CRB1: variants seen among roughly 807,000 people sequenced by gnomAD.
The protein encoded by CRB1 is protein crumbs homolog 1.
Under a neutral mutation model 120.0 loss-of-function variants are expected in CRB1, and 83 were observed. That is an observed-to-expected ratio of 0.69 (90% confidence interval 0.58 to 0.83). The LOEUF is 0.83. CRB1 is among the 40% of genes least tolerant of loss of function. The pLI is 0.00. For missense variants in CRB1, 1,699 were observed against 1,687.6 expected, an observed-to-expected ratio of 1.01 and a Z score of -0.12; for synonymous variants, 625 against 612.5, an observed-to-expected ratio of 1.02 and a Z score of -0.30.
chr1:197,436,801 T>C (rs1158372808), intron 9 of CRB1, among the ~76,000 whole-genome samples: 1 of 152,154 alleles, frequency 6.6e-6, no homozygotes, highest in African/African-American at 2.4e-5. Flanking sequence ...ACTTACAGAA[T>C]TGTAATAAGG....
At chr1:197,354,703 G>T (rs986929621) in intron 4 of CRB1, among the ~76,000 whole-genome samples, 2 of 151,366 alleles carry the variant, frequency 1.3e-5, no homozygotes, top group Non-Finnish European at 1.5e-5. Context: ...GTGGGCAACA[G>T]CAAGAGTTAT....
Position 197,427,466 on chromosome 1 carries a change from G to T in CRB1, c.2141G>T (p.Gly714Val). Residue 714 changes from glycine to valine, a missense_variant, in exon 7 of 12, where the codon GGC becomes GTC. Coordinates refer to ENST00000367400, the MANE Select transcript of CRB1 (RefSeq NM_201253.3). ...TTTGACATTGAAGAGTATGTGGCAG[G>T]CAGATTTGGCCAGGATGACTCCACT... ...GPNCLREYVA[G>V]RFGQDDSTGY... is the part of the protein sequence containing the mutation. The T allele has an allele frequency of 6.2e-7, 1 of 1,613,698 alleles. No individual in the cohort carries two copies. The highest frequency in any genetic ancestry group is 8.5e-7 in the Non-Finnish European group (1 of 1,179,896).
chr1:197,369,914 T>C (rs2125380192), intron 5 of CRB1, among the ~76,000 whole-genome samples: 1 of 152,262 alleles, frequency 6.6e-6, no homozygotes, highest in East Asian at 1.9e-4. Context: ...TCTTGAATGG[T>C]GGTTGTCTTT....
At chr1:197,319,405 C>T (rs1382173080) in intron 1 of CRB1, among the ~76,000 whole-genome samples, 22 of 115,878 alleles carry the variant, frequency 1.9e-4, no homozygotes, top group African/African-American at 7.1e-4. Flanking sequence ...TACACTGCAG[C>T]CTGGGTGACA....
chr1:197,453,769 C>A (rs145132765), intron 11 of CRB1, among the ~76,000 whole-genome samples: 99 of 143,274 alleles, frequency 6.9e-4, no homozygotes, highest in African/African-American at 2.1e-3. Flanking sequence ...TCCTCTTCTT[C>A]TTATTATTAT....
chr1:197,381,552 C>T (rs1320578700), intron 5 of CRB1, among the ~76,000 whole-genome samples: 3 of 152,142 alleles, frequency 2.0e-5, no homozygotes, highest in African/African-American at 7.2e-5. Flanking sequence ...AACGTGTTTC[C>T]TCAATGAACA....
intron 5 of CRB1, among the ~76,000 whole-genome samples, chr1:197,398,791 C>A (rs1021817463): frequency 3.3e-5 from 5 of 151,722 alleles, no homozygotes; most frequent in Non-Finnish European, 7.4e-5. Context: ...GGAGTAGAGG[C>A]ACTATATATA....
the CRB1 span, among the ~76,000 whole-genome samples, chr1:197,248,645 G>T: frequency 6.6e-6 from 1 of 151,926 alleles, no homozygotes; most frequent in Non-Finnish European, 1.5e-5. Context: ...TGAAGTTGAT[G>T]TTAAAATAAA....
intron 5 of CRB1, among the ~76,000 whole-genome samples, chr1:197,412,536 G>A (rs1663762933): frequency 6.6e-6 from 1 of 152,052 alleles, no homozygotes; most frequent in Non-Finnish European, 1.5e-5. Flanking sequence ...GATTCCCTGA[G>A]GGCTATTAGA....
At chr1:197,298,661 C>A (rs1339340556) in intron 1 of CRB1, among the ~76,000 whole-genome samples, 1 of 151,858 alleles carries the variant, frequency 6.6e-6, no homozygotes, top group Non-Finnish European at 1.5e-5. Context: ...AATGCTATAA[C>A]AATTTTAAAA....
intron 1 of CRB1, among the ~76,000 whole-genome samples, chr1:197,272,057 T>A (rs1197331618): frequency 6.6e-6 from 1 of 152,136 alleles, no homozygotes; most frequent in Non-Finnish European, 1.5e-5. Context: ...TTTTAAAAAG[T>A]ACTTTCTAAA....
At chr1:197,397,037 A>T (rs1662807285) in intron 5 of CRB1, among the ~76,000 whole-genome samples, 1 of 152,116 alleles carries the variant, frequency 6.6e-6, no homozygotes, top group African/African-American at 2.4e-5. Context: ...ATTGCAAAAC[A>T]TGTTTTTTCT....
chr1:197,325,517 G>T (rs1040402650), intron 1 of CRB1, among the ~76,000 whole-genome samples: 1 of 151,874 alleles, frequency 6.6e-6, no homozygotes, highest in African/African-American at 2.4e-5. Flanking sequence ...GGTAAAATTA[G>T]GTTAAATATA....
At chr1:197,306,340 A>G (rs577228013) in intron 1 of CRB1, among the ~76,000 whole-genome samples, 1 of 152,332 alleles carries the variant, frequency 6.6e-6, no homozygotes, top group East Asian at 1.9e-4. Flanking sequence ...AAAAGGATAA[A>G]TTAGGATAAA....
intron 8 of CRB1, 108 bp from the exon 9 acceptor site, chr1:197,434,597 TA>T: frequency 1.0e-6 from 1 of 994,798 alleles, no homozygotes; most frequent in South Asian, 1.4e-5. Context: ...ATGTATCAAA[TA>T]GTCAATATGC....
intron 1 of CRB1, among the ~76,000 whole-genome samples, chr1:197,308,377 T>C (rs2125266778): frequency 6.6e-6 from 1 of 152,222 alleles, no homozygotes; most frequent in Admixed American, 6.5e-5. Flanking sequence ...CACGGAATAT[T>C]CCCATGTAAC....
the CRB1 span, among the ~76,000 whole-genome samples, chr1:197,214,550 C>G: frequency 6.6e-6 from 1 of 152,096 alleles, no homozygotes; most frequent in Admixed American, 6.6e-5. Flanking sequence ...CTATGAACAA[C>G]TATACACTGA....
At chr1:197,342,971 G>A (rs1248654688) in intron 2 of CRB1, among the ~76,000 whole-genome samples, 1 of 152,130 alleles carries the variant, frequency 6.6e-6, no homozygotes, top group African/African-American at 2.4e-5. Flanking sequence ...AAATAGCTAA[G>A]CCTCAAAGAG....
intron 5 of CRB1, among the ~76,000 whole-genome samples, chr1:197,375,382 T>C (rs1349420000): frequency 6.6e-6 from 1 of 152,170 alleles, no homozygotes; most frequent in Non-Finnish European, 1.5e-5. Flanking sequence ...AATAGCTTGA[T>C]AAATTATCTG....
Sources: allele counts gnomAD v4.1 joint callset (sites outside exome capture counted in the v4.1 genomes callset), GRCh38; gene constraint gnomAD v4.1.1; transcripts MANE v1.5; gene names NCBI Gene and HGNC (gene_info 2026-07-23, HGNC 2026-07-21).